The following ZFP90 variants were observed in gnomAD, a reference collection of about 807,000 sequenced individuals.
ZFP90 encodes the protein ZFP90 zinc finger protein.
In ZFP90, 38 loss-of-function variants were observed where a neutral mutation model predicts 60.8. The ratio of observed to expected loss-of-function variants is 0.62; its 90% CI spans 0.48 to 0.82. ZFP90 has a LOEUF of 0.82. Among genes scored for constraint, ZFP90 ranks in the 40% least tolerant of loss-of-function variants. ZFP90 has a pLI of 0.00. For missense variants in ZFP90, 711 were observed against 759.1 expected (o/e 0.94, Z 0.74); for synonymous variants, 287 against 264.8 (o/e 1.08, Z -0.82).
intron 2 of ZFP90, among the ~76,000 whole-genome samples, chr16:68,572,973 ACTCCATCTGTTTTC>A (rs1218249997): frequency 6.6e-6 from 1 of 151,962 alleles, no homozygotes; most frequent in Non-Finnish European, 1.5e-5. Flanking sequence ...GGATAGGACC[ACTCCATCTGTTTTC>A]CTTGACATCA....
intron 2 of ZFP90, among the ~76,000 whole-genome samples, chr16:68,554,279 G>A (rs867154265): frequency 3.3e-4 from 50 of 151,870 alleles, no homozygotes; most frequent in South Asian, 4.2e-4. Flanking sequence ...CCGTCACCAC[G>A]CCTGGCTAAT....
chr16:68,561,242 T>C (rs2091435388), intron 4 of ZFP90, among the ~76,000 whole-genome samples: 1 of 152,246 alleles, frequency 6.6e-6, no homozygotes, highest in Non-Finnish European at 1.5e-5. Flanking sequence ...GCTATTACTC[T>C]CTGTACTTTA....
At chr16:68,547,475 C>A (rs933713) in intron 2 of ZFP90, among the ~76,000 whole-genome samples, 116,472 of 152,010 alleles carry the variant, frequency 0.77, 44,710 homozygotes, top group East Asian at 0.82. Flanking sequence ...CTGGGTATTA[C>A]TTGCTTAATA....
upstream of ZFP90, among the ~76,000 whole-genome samples, chr16:68,538,232 G>A (rs1446254515): frequency 6.6e-6 from 1 of 152,032 alleles, no homozygotes; most frequent in East Asian, 1.9e-4. Flanking sequence ...ATTTTTGAAT[G>A]TTCATATTTT....
At chr16:68,553,697 T>A (rs1009089586) in intron 2 of ZFP90, among the ~76,000 whole-genome samples, 7 of 152,160 alleles carry the variant, frequency 4.6e-5, no homozygotes, top group African/African-American at 1.2e-4. Flanking sequence ...TGGCTCACTG[T>A]AGCCTTGAAC....
At chr16:68,548,173 C>A (rs939424545) in intron 2 of ZFP90, among the ~76,000 whole-genome samples, 4 of 152,090 alleles carry the variant, frequency 2.6e-5, no homozygotes, top group South Asian at 2.1e-4. Context: ...AAATAGCCAC[C>A]AGAGAGAAAG....
Position 68,563,105 on chromosome 16 carries a change from C to G in ZFP90, c.318C>G (p.Ser106=), listed in dbSNP as rs1344881462. 6.2e-7 allele frequency: 1 copy of G among 1,614,016 alleles called. No homozygotes were observed. Among genetic ancestry groups the G allele is most frequent in the South Asian group, 1.1e-5 (1 of 91,072 alleles). ...TGCAGCAGGATGTATCAGAAGTATC[C>G]CACTGCACACATGATCTCTTACATG... ...SHLQQDVSEV[S]HCTHDLLHAT... Residue 106 remains serine (S), a synonymous_variant, in exon 5 of 5, where the codon TCC becomes TCG. Coordinates refer to ENST00000563169, the MANE Select transcript of ZFP90 (RefSeq NM_001305203.2).
chr16:68,557,240 A>G (rs1406937218), intron 2 of ZFP90: 5 of 455,766 alleles, frequency 1.1e-5, no homozygotes, highest in Non-Finnish European at 2.2e-5. Context: ...AAGGAAGTGA[A>G]CCGGCTCAAG....
rs774743752 is a variant in ZFP90 at position 68,563,922 on chromosome 16, T to C, written c.1135T>C (p.Ser379Pro). Residue 379 changes from serine to proline, a missense_variant, in exon 5 of 5, where the codon TCT (serine) becomes CCT (proline). Around this residue, in one of 5 missense-constraint regions of ZFP90, gnomAD observed 146 missense variants for 201.4 expected, o/e 0.73. Coordinates refer to ENST00000563169, the MANE Select transcript of ZFP90 (RefSeq NM_001305203.2). ...KECGKAFSRC[S>P]SLVQHERTHT... ...ATGTGGGAAAGCCTTTAGTCGATGTTCTTCCCTTGTCCAACATGAGAGGAC... is the reference window on the plus strand; with the variant it reads ...ATGTGGGAAAGCCTTTAGTCGATGTCCTTCCCTTGTCCAACATGAGAGGAC... 9 of 1,613,998 alleles carry C rather than the reference T, an allele frequency of 5.6e-6. No individual in the cohort carries two copies. The East Asian group carries it at 2.0e-4, about 36-fold the overall frequency.
chr16:68,537,210 C>T (rs988270309), upstream of ZFP90, among the ~76,000 whole-genome samples: 2 of 152,154 alleles, frequency 1.3e-5, no homozygotes, highest in African/African-American at 4.8e-5. Flanking sequence ...ACTGCAACCC[C>T]CACCTCCCAG....
chr16:68,563,349 C>G lies in ZFP90; in HGVS notation c.562C>G (p.Leu188Val). 1.2e-6 allele frequency: 2 copies of G among 1,614,128 alleles called. No homozygotes were observed. The highest frequency in any genetic ancestry group is 8.5e-7 in the Non-Finnish European group (1 of 1,180,014). ...AATAAGGCCTAGTGAATGTGAGACC[C>G]TTGGAAGCAATTTGGGACATAATGC... ...ARIRPSECET[L>V]GSNLGHNADL... is the part of the protein sequence containing the mutation. The change falls in exon 5 of 5, where the codon CTT (leucine) becomes GTT (valine). Residue 188 changes from leucine (L) to valine (V), a missense_variant. By Grantham distance (32) the Leu-to-Val change is conservative (BLOSUM62 1). Coordinates refer to ENST00000563169, the MANE Select transcript of ZFP90 (RefSeq NM_001305203.2).
At chr16:68,555,311 T>A (rs536743304) in intron 2 of ZFP90, 1 of 152,204 alleles carries the variant, frequency 6.6e-6, no homozygotes, top group Non-Finnish European at 1.5e-5. Context: ...CTTGTAAATA[T>A]CTAGTCTGTC....
chr16:68,551,811 T>C (rs1597729176), intron 2 of ZFP90, among the ~76,000 whole-genome samples: 1 of 152,216 alleles, frequency 6.6e-6, no homozygotes, highest in East Asian at 1.9e-4. Flanking sequence ...CAGGCTGGAG[T>C]GCAGTGGCGT....
At chr16:68,543,729 T>A (rs2091094765) in intron 2 of ZFP90, among the ~76,000 whole-genome samples, 1 of 151,510 alleles carries the variant, frequency 6.6e-6, no homozygotes, top group South Asian at 2.1e-4. Context: ...CCCAGCTAAT[T>A]TTTGTATTTT....
downstream of ZFP90, among the ~76,000 whole-genome samples, chr16:68,570,487 G>T (rs1183913325): frequency 1.3e-5 from 2 of 152,230 alleles, no homozygotes; most frequent in African/African-American, 4.8e-5. Context: ...CAAGGGGAGG[G>T]TTATGCAGAA....
intron 4 of ZFP90, among the ~76,000 whole-genome samples, chr16:68,560,884 C>CT (rs1258812761): frequency 1.6e-5 from 1 of 62,374 alleles, no homozygotes; most frequent in African/African-American, 6.0e-5. Context: ...AATGCTTTAT[C>CT]TTCTTTTTTT....
chr16:68,571,211 G>C (rs987411820), downstream of ZFP90, among the ~76,000 whole-genome samples: 1 of 152,158 alleles, frequency 6.6e-6, no homozygotes, highest in Non-Finnish European at 1.5e-5. Context: ...AAGGGAAATA[G>C]GTGTTTCTAT....
At chr16:68,572,423 A>G (rs866368697) in intron 2 of ZFP90, among the ~76,000 whole-genome samples, 1 of 152,162 alleles carries the variant, frequency 6.6e-6, no homozygotes, top group South Asian at 2.1e-4. Context: ...GTTGGCTTGG[A>G]GTTGCTGATA....
At chr16:68,540,519 C>A (rs1267103703) in intron 2 of ZFP90, among the ~76,000 whole-genome samples, 1 of 152,046 alleles carries the variant, frequency 6.6e-6, no homozygotes, top group African/African-American at 2.4e-5. Context: ...TTTCTAGAAG[C>A]GTCACAACTC....
Sources: gnomAD v4.1 joint callset for allele counts (sites outside exome capture counted in the v4.1 genomes callset) on GRCh38, gnomAD v4.1.1 for gene constraint, gnomAD v4.1.1 regional missense constraint, MANE v1.5 for transcripts, NCBI Gene and HGNC (gene_info 2026-07-23, HGNC 2026-07-21) for gene names.